KIAA1671: variants seen among roughly 807,000 people sequenced by gnomAD.
KIAA1671 encodes KIAA1671.
KIAA1671 carries 52 observed loss-of-function variants against 131.2 expected under a neutral mutation model. That is an observed-to-expected ratio of 0.40 (90% confidence interval 0.32 to 0.50). The LOEUF (loss-of-function observed/expected upper bound fraction) is 0.50, where lower values mean the gene tolerates loss of function less well. KIAA1671 is among the 20% of genes least tolerant of loss of function. The pLI is 0.73. For synonymous variants in KIAA1671, 1,003 were observed against 961.6 expected (o/e 1.04, Z -0.80); for missense variants, 2,360 against 2,364.2 (o/e 1.00, Z 0.04).
At chr22:25,163,331 A>ATTTTTTTTTTTTTTTTTTTTTT (rs132895) in intron 6 of KIAA1671, among the ~76,000 whole-genome samples, 3 of 55,554 alleles carry the variant, frequency 5.4e-5, no homozygotes, top group African/African-American at 7.3e-5. Flanking sequence ...ATTGCCTCAA[A>ATTTTTTTTTTTTTTTTTTTTTT]TTTTTTTTTT....
chr22:25,166,752 G>GGAAA (rs1273706314), intron 6 of KIAA1671, among the ~76,000 whole-genome samples: 1 of 152,170 alleles, frequency 6.6e-6, no homozygotes, highest in Non-Finnish European at 1.5e-5. Context: ...TGTGAAAACT[G>GGAAA]AGGCTTGGAT....
At chr22:25,109,849 GGCTCATGCTT>G (rs974079711) in intron 6 of KIAA1671, among the ~76,000 whole-genome samples, 6 of 152,174 alleles carry the variant, frequency 3.9e-5, no homozygotes, top group Admixed American at 2.0e-4. Context: ...TGGATGTGGT[GGCTCATGCTT>G]GTAATCCCAG....
chr22:24,999,555 G>T (rs1924322310), intron 1 of KIAA1671, among the ~76,000 whole-genome samples: 1 of 148,698 alleles, frequency 6.7e-6, no homozygotes, highest in Admixed American at 6.8e-5. Context: ...TCATTTATGT[G>T]CTTTGGTTTT....
intron 1 of KIAA1671, chr22:25,010,948 A>G (rs1925002455): frequency 6.6e-6 from 1 of 152,192 alleles, no homozygotes; most frequent in Non-Finnish European, 1.5e-5. Flanking sequence ...TGATCCAGGT[A>G]GGAAGGAGAG....
intron 1 of KIAA1671, among the ~76,000 whole-genome samples, chr22:24,979,339 TTTA>T: frequency 1.3e-4 from 18 of 138,888 alleles, no homozygotes; most frequent in African/African-American, 4.2e-4. Context: ...ATTTATTTTA[TTTA>T]TTTATTTATT....
At chr22:25,081,879 T>C (rs112493405) in intron 6 of KIAA1671, among the ~76,000 whole-genome samples, 11 of 152,118 alleles carry the variant, frequency 7.2e-5, no homozygotes, top group African/African-American at 2.2e-4. Context: ...CTGGGCAACA[T>C]AGCAAGACTC....
rs551041469 is a variant in KIAA1671 at position 25,098,387 on chromosome 22, CAG to C, written c.4530+49024_4530+49025del. Among the ~76,000 whole-genome samples, 7 of 152,184 alleles carry C rather than the reference CAG, an allele frequency of 4.6e-5. No individual in the cohort carries two copies. In the South Asian group the frequency reaches 1.2e-3, roughly 27 times the overall value. ...CCGAATGCCTCCAGTGTGCCAGGGA[CAG>C]GGGGCAATAGCAGAGACTAAGACAT... On this transcript the variant is annotated intron_variant, in intron 6 of 12. Coordinates refer to ENST00000358431, the MANE Select transcript of KIAA1671 (RefSeq NM_001145206.2).
chr22:25,011,937 C>G (rs1433702486), intron 1 of KIAA1671: 2 of 152,160 alleles, frequency 1.3e-5, no homozygotes. Context: ...GCACCTGGCT[C>G]ACGTCTAACT....
At chr22:25,171,007 A>C (rs993973976) in intron 7 of KIAA1671, 69 bp downstream of exon 7, 3 of 1,217,840 alleles carry the variant, frequency 2.5e-6, no homozygotes, top group Admixed American at 4.0e-5. Flanking sequence ...CAGCCCACCC[A>C]CCTCCTGATT....
intron 1 of KIAA1671, among the ~76,000 whole-genome samples, chr22:24,986,988 T>C (rs1350924581): frequency 6.6e-6 from 1 of 151,950 alleles, no homozygotes; most frequent in African/African-American, 2.4e-5. Context: ...TCACACCTGC[T>C]GACCTCCGCC....
At chr22:25,175,318 A>C (rs1428100769) in intron 8 of KIAA1671, 1 of 152,186 alleles carries the variant, frequency 6.6e-6, no homozygotes, top group Admixed American at 6.5e-5. Flanking sequence ...CCTGGCAGTA[A>C]AGCCTCCCAC....
rs910036321 is a variant in KIAA1671, at chr22:24,952,940, C to G, written c.-208+168C>G. Among the ~76,000 whole-genome samples the G allele has an allele frequency of 2.0e-5, 3 of 152,168 alleles. No homozygotes were observed. The highest frequency in any genetic ancestry group is 7.2e-5 in the African/African-American group (3 of 41,458). On this transcript the variant is annotated intron_variant, in intron 1 of 12. Transcript: ENST00000358431. The surrounding 1 kb of genome is among the most constrained non-coding windows in gnomAD (Gnocchi z 4.5). ...GTTGGCCGGGGAAGAGGCGGGGAGC[C>G]GGAGGATTTCCCCAGACTCCGGGTC...
chr22:24,967,302 C>T (rs1298067785), intron 1 of KIAA1671, among the ~76,000 whole-genome samples: 2 of 152,132 alleles, frequency 1.3e-5, no homozygotes, highest in Admixed American at 6.5e-5. Flanking sequence ...ACCCCCTTTA[C>T]AGTTGAGGAA....
In KIAA1671 at chr22:25,035,327, G is replaced by A. The variant is rs989633965; in HGVS notation, c.1629+2631G>A. Reference sequence around the variant, plus strand: ...CTCCCAAAATGCTGGGATTATAGGTGTGAGCCACCGCGTCCGGCCAGGACT... The same window carrying A: ...CTCCCAAAATGCTGGGATTATAGGTATGAGCCACCGCGTCCGGCCAGGACT... On this transcript the variant is annotated intron_variant, in intron 4 of 12. Coordinates refer to ENST00000358431, the MANE Select transcript of KIAA1671 (RefSeq NM_001145206.2). Among the ~76,000 whole-genome samples the A allele has an allele frequency of 3.8e-3, 585 of 152,284 alleles. 3 individuals carry two copies. The highest frequency in any genetic ancestry group is 0.013 in the African/African-American group (559 of 41,560).
Position 25,177,369 on chromosome 22 carries a change from A to C in KIAA1671, c.4921A>C (p.Ser1641Arg). The change falls in exon 9 of 13, where the codon AGT becomes CGT. Residue 1641 changes from serine to arginine, a missense_variant. By Grantham distance (110) the Ser-to-Arg change is moderately radical. Around this residue, in one of 3 missense-constraint regions of KIAA1671, gnomAD observed 1,161 missense variants for 1,204.7 expected, o/e 0.96. Coordinates refer to ENST00000358431, the MANE Select transcript of KIAA1671 (RefSeq NM_001145206.2). ...FIDQTSVLDS[S>R]ALKTRVQLSK... ...AAAGCAAACCTCAGTCCTCGACTCA[A>C]GTGCCCTCAAGACCCGGGTGCAGCT... 1 of 1,551,374 alleles carries C rather than the reference A, an allele frequency of 6.4e-7. No homozygotes were observed. Among genetic ancestry groups the C allele is most frequent in the South Asian group, 1.2e-5 (1 of 84,002 alleles).
chr22:25,049,296 T>A lies in KIAA1671; in HGVS notation c.4462T>A (p.Ser1488Thr). The A allele has an allele frequency of 6.4e-7, 1 of 1,551,780 alleles. No homozygotes were observed. Among genetic ancestry groups the A allele is most frequent in the Non-Finnish European group, 8.7e-7 (1 of 1,146,958 alleles). The change falls in exon 6 of 13, where the codon TCC becomes ACC. Residue 1488 changes from serine to threonine, a missense_variant. Ser to Thr is a moderately conservative substitution (Grantham distance 58). This residue lies in a region of KIAA1671 where 1,161 missense variants were observed against 1,204.7 expected (regional missense o/e 0.96). Transcript: ENST00000358431. The part of the protein sequence containing the change: ...QEKERPLQQV[S>T]PVASVPWRSH... ...GAAGGAGCGACCGCTCCAGCAGGTG[T>A]CCCCTGTGGCCTCGGTTCCCTGGAG...
intron 1 of KIAA1671, among the ~76,000 whole-genome samples, chr22:24,963,058 C>T (rs1365870063): frequency 6.6e-6 from 1 of 152,058 alleles, no homozygotes; most frequent in Non-Finnish European, 1.5e-5. Flanking sequence ...GCTAGCTGCA[C>T]GGTTAGAGGC....
At chr22:24,960,014 G>A (rs1353681303) in intron 1 of KIAA1671, among the ~76,000 whole-genome samples, 1 of 150,752 alleles carries the variant, frequency 6.6e-6, no homozygotes, top group African/African-American at 2.4e-5. Context: ...GGCGCCTGTG[G>A]TCCCAGCTAC....
intron 6 of KIAA1671, among the ~76,000 whole-genome samples, chr22:25,080,189 C>T (rs1929331719): frequency 6.6e-6 from 1 of 152,114 alleles, no homozygotes; most frequent in African/African-American, 2.4e-5. Context: ...TTTGAAAAGT[C>T]AGTTAGATAC....
Sources: allele counts gnomAD v4.1 joint callset (sites outside exome capture counted in the v4.1 genomes callset), GRCh38; gene constraint gnomAD v4.1.1; regional missense constraint gnomAD v4.1.1; non-coding constraint Gnocchi (gnomAD v3.1); transcripts MANE v1.5; gene names NCBI Gene and HGNC (gene_info 2026-07-23, HGNC 2026-07-21).